LRBA: variants seen among roughly 807,000 people sequenced by gnomAD.
LRBA encodes lipopolysaccharide-responsive and beige-like anchor protein.
A neutral mutation model predicts 330.0 loss-of-function variants in LRBA; 176 were observed. The ratio of observed to expected loss-of-function variants is 0.53; its 90% CI spans 0.47 to 0.60. The LOEUF is 0.60. Ranked by LOEUF, LRBA falls within the 20% of genes least tolerant of loss-of-function variation. LRBA has a pLI of 0.00. For synonymous variants in LRBA, 1,230 were observed against 1,193.0 expected (o/e 1.03, Z -0.64); for missense variants, 3,259 against 3,444.8 (o/e 0.95, Z 1.35).
At chr4:150,541,487 T>C (rs1451926975) in intron 40 of LRBA, among the ~76,000 whole-genome samples, 9 of 152,186 alleles carry the variant, frequency 5.9e-5, no homozygotes, top group Non-Finnish European at 1.3e-4. Flanking sequence ...TATATAACAG[T>C]TCTTAAGAAC....
At chr4:150,644,118 T>C (rs759175817) in intron 37 of LRBA, among the ~76,000 whole-genome samples, 12 of 151,958 alleles carry the variant, frequency 7.9e-5, no homozygotes, top group Non-Finnish European at 1.6e-4. Flanking sequence ...TTAAATAACA[T>C]GTTTTTAAAG....
chr4:150,425,585 T>C (rs1749476835), intron 46 of LRBA, among the ~76,000 whole-genome samples: 1 of 152,178 alleles, frequency 6.6e-6, no homozygotes, highest in Non-Finnish European at 1.5e-5. Context: ...TATGCTTTAG[T>C]TTTCTTTATT....
chr4:150,409,128 T>C (rs1362655280), intron 47 of LRBA, among the ~76,000 whole-genome samples: 3 of 151,972 alleles, frequency 2.0e-5, no homozygotes, highest in Non-Finnish European at 4.4e-5. Context: ...GGTGTCCTTA[T>C]TAAAAGGAAA....
intron 30 of LRBA, among the ~76,000 whole-genome samples, chr4:150,826,463 T>C (rs1465067613): frequency 1.3e-5 from 2 of 152,118 alleles, no homozygotes; most frequent in East Asian, 1.9e-4. Context: ...TCTATTAATA[T>C]AAAGCTGCTA....
At chr4:150,420,357 T>C (rs1413225301) in intron 46 of LRBA, among the ~76,000 whole-genome samples, 1 of 141,384 alleles carries the variant, frequency 7.1e-6, no homozygotes, top group African/African-American at 2.6e-5. Flanking sequence ...ATACACATTA[T>C]AGTATAAAGT....
At chr4:150,523,815 T>C (rs1763176458) in intron 40 of LRBA, among the ~76,000 whole-genome samples, 2 of 152,124 alleles carry the variant, frequency 1.3e-5, no homozygotes, top group African/African-American at 2.4e-5. Context: ...TCTATCTATC[T>C]ACCCATCCAT....
intron 42 of LRBA, among the ~76,000 whole-genome samples, chr4:150,486,807 T>A (rs1319734686): frequency 2.6e-5 from 4 of 151,706 alleles, no homozygotes; most frequent in Admixed American, 2.0e-4. Context: ...ACCCCTAACC[T>A]CTACCCTTGG....
At chr4:150,738,300 C>A (rs7665652) in intron 35 of LRBA, among the ~76,000 whole-genome samples, 19 of 152,042 alleles carry the variant, frequency 1.2e-4, no homozygotes, top group African/African-American at 4.1e-4. Flanking sequence ...CGAATTCTGA[C>A]AGACTTATGA....
intron 35 of LRBA, among the ~76,000 whole-genome samples, chr4:150,736,603 G>C (rs1455810854): frequency 6.6e-6 from 1 of 151,968 alleles, no homozygotes; most frequent in South Asian, 2.1e-4. Context: ...AGACATATAG[G>C]ACATGGTAAA....
intron 33 of LRBA, among the ~76,000 whole-genome samples, chr4:150,803,079 T>TACACACACACACACACACACACACAC (rs1203657007): frequency 4.6e-5 from 5 of 108,220 alleles, no homozygotes; most frequent in African/African-American, 2.0e-4. Flanking sequence ...AAAAAAAATA[T>TACACACACACACACACACACACACAC]ATATACACAC....
intron 48 of LRBA, among the ~76,000 whole-genome samples, chr4:150,330,919 G>A (rs1220988745): frequency 6.6e-6 from 1 of 152,148 alleles, no homozygotes; most frequent in African/African-American, 2.4e-5. Flanking sequence ...CCAAGCTTGA[G>A]AGATGAGCAC....
At chr4:150,774,066 A>C (rs923966545) in intron 34 of LRBA, among the ~76,000 whole-genome samples, 1 of 152,220 alleles carries the variant, frequency 6.6e-6, no homozygotes, top group Non-Finnish European at 1.5e-5. Flanking sequence ...CCTTGACATA[A>C]CATAGACATC....
intron 46 of LRBA, 140 bp downstream of exon 46, chr4:150,435,449 C>A: frequency 1.5e-6 from 1 of 687,998 alleles, no homozygotes; most frequent in South Asian, 2.2e-5. Context: ...TGCTGTAATT[C>A]TTGGCCATTT....
chr4:150,790,481 C>G (rs1012283221), intron 34 of LRBA, among the ~76,000 whole-genome samples: 1 of 152,148 alleles, frequency 6.6e-6, no homozygotes, highest in Non-Finnish European at 1.5e-5. Flanking sequence ...GTACTTTACT[C>G]CGATTTATTT....
At chr4:150,458,979 A>G (rs1376742396) in intron 44 of LRBA, among the ~76,000 whole-genome samples, 1 of 151,934 alleles carries the variant, frequency 6.6e-6, no homozygotes, top group Non-Finnish European at 1.5e-5. Context: ...TATAGACCAT[A>G]AGTAGTGATG....
At chr4:150,312,953 TAAAC>T (rs1258556853) in intron 51 of LRBA, among the ~76,000 whole-genome samples, 1 of 151,838 alleles carries the variant, frequency 6.6e-6, no homozygotes, top group Non-Finnish European at 1.5e-5. Context: ...TTTATGTAAA[TAAAC>T]ATTTATTAAA....
At chr4:150,763,620 G>A (rs978923132) in intron 34 of LRBA, among the ~76,000 whole-genome samples, 2 of 151,908 alleles carry the variant, frequency 1.3e-5, no homozygotes, top group African/African-American at 2.4e-5. Context: ...CATGTGCCAC[G>A]AAAAGGTAGG....
At chr4:150,587,839 G>A (rs141100408) in intron 40 of LRBA, among the ~76,000 whole-genome samples, 2,944 of 152,212 alleles carry the variant, frequency 0.019, 48 homozygotes, top group Non-Finnish European at 0.029. Flanking sequence ...ATGTCATTAA[G>A]TAGAATTTGT....
chr4:150,438,608 A>G (rs939208904), intron 44 of LRBA, among the ~76,000 whole-genome samples: 7 of 152,220 alleles, frequency 4.6e-5, no homozygotes, highest in Admixed American at 1.3e-4. Flanking sequence ...CAGAAAGAAA[A>G]TATCTGATTA....
Sources: allele counts gnomAD v4.1 joint callset (sites outside exome capture counted in the v4.1 genomes callset), GRCh38; gene constraint gnomAD v4.1.1; transcripts MANE v1.5; gene names NCBI Gene and HGNC (gene_info 2026-07-23, HGNC 2026-07-21).